TCN2: variants seen among roughly 807,000 people sequenced by gnomAD.
The protein encoded by TCN2 is transcobalamin-2.
A neutral mutation model predicts 48.6 loss-of-function variants in TCN2; 34 were observed. The ratio of observed to expected loss-of-function variants is 0.70; its 90% CI spans 0.53 to 0.93. TCN2 has a LOEUF of 0.93. TCN2 is among the 40% of genes least tolerant of loss of function. TCN2 has a pLI of 0.00. For synonymous variants in TCN2, 283 were observed against 212.5 expected (o/e 1.33, Z -2.89); for missense variants, 652 against 526.1 (o/e 1.24, Z -2.34).
intron 7 of TCN2, among the ~76,000 whole-genome samples, chr22:30,619,566 TTATCAGTGGGGAG>T (rs1158040385): frequency 3.3e-5 from 5 of 152,204 alleles, no homozygotes; most frequent in Non-Finnish European, 5.9e-5. Context: ...AATTCTCATG[TTATCAGTGGGGAG>T]TCCAGCCCAG....
chr22:30,615,482 G>A lies in TCN2; in HGVS notation c.753+9G>A. On this transcript the variant is annotated intron_variant, in intron 5 of 8. Coordinates refer to ENST00000215838, the MANE Select transcript of TCN2 (RefSeq NM_000355.4). ...CCCCATTGGCATTACAGGTGGGAAA[G>A]AGACCCTGGAGCCATGGCCACCCTG... 6.2e-7 allele frequency: 1 copy of A among 1,613,948 alleles called. No homozygotes were observed. The highest frequency in any genetic ancestry group is 1.3e-5 in the African/African-American group (1 of 75,034).
At chr22:30,609,968 C>G (rs2087510790) in intron 1 of TCN2, among the ~76,000 whole-genome samples, 2 of 152,150 alleles carry the variant, frequency 1.3e-5, no homozygotes, top group Non-Finnish European at 2.9e-5. Context: ...TGAAGGCCAC[C>G]ATCAGGCAGC....
chr22:30,623,843 C>CACATATGT (rs1569046597), intron 8 of TCN2, among the ~76,000 whole-genome samples: 1 of 59,414 alleles, frequency 1.7e-5, no homozygotes, highest in Non-Finnish European at 2.7e-5. Flanking sequence ...TATACACACA[C>CACATATGT]ATACATACAC....
chr22:30,619,911 T>G (rs1469615440), intron 7 of TCN2, among the ~76,000 whole-genome samples: 1 of 152,194 alleles, frequency 6.6e-6, no homozygotes, highest in Admixed American at 6.5e-5. Context: ...TCCAGTGATT[T>G]GGGAGGCTGA....
chr22:30,615,470 A>G lies in TCN2; in HGVS notation c.750A>G (p.Leu250=). The change falls in exon 5 of 9, where the codon TTA becomes TTG. Residue 250 remains leucine (L), a synonymous_variant. Transcript: ENST00000215838. ...FGNVYSTPLA[L]QFLMTSPMRG... The stretch of plus-strand genomic sequence containing the variant: ...ATGTCTACAGCACCCCATTGGCATT[A>G]CAGGTGGGAAAGAGACCCTGGAGCC... 1 of 1,614,104 alleles carries G rather than the reference A, an allele frequency of 6.2e-7. No homozygotes were observed.
In TCN2 at chr22:30,615,704, C is replaced by T. The variant is rs149231407; in HGVS notation, c.857C>T (p.Ala286Val). The T allele has an allele frequency of 3.2e-5, 51 of 1,614,232 alleles. No homozygotes were observed. The East Asian group carries it at 1.1e-3, about 34-fold the overall frequency. Residue 286 changes from alanine to valine, a missense_variant, in exon 6 of 9, where the codon GCT (alanine) becomes GTT (valine). Physicochemically the swap from Ala to Val is moderately conservative, Grantham distance 64. Coordinates refer to ENST00000215838, the MANE Select transcript of TCN2 (RefSeq NM_000355.4). ...ASLQDGAFQN[A>V]LMISQLLPVL... ...CTGCAGGATGGAGCCTTCCAGAATG[C>T]TCTCATGATTTCCCAGCTGCTGCCC...
At chr22:30,612,666 A>T (rs2087559260) in intron 2 of TCN2, among the ~76,000 whole-genome samples, 1 of 152,218 alleles carries the variant, frequency 6.6e-6, no homozygotes, top group South Asian at 2.1e-4. Context: ...CTTGGAGTTT[A>T]TTCTTGAATC....
At chr22:30,617,210 G>GA in intron 6 of TCN2, 120 bp from the exon 7 acceptor site, 1 of 1,371,970 alleles carries the variant, frequency 7.3e-7, no homozygotes, top group Non-Finnish European at 1.0e-6. Context: ...CGGTGGCATT[G>GA]ATGGAGATGA....
At chr22:30,610,407 G>A (rs2087518984) in intron 1 of TCN2, 5 of 410,484 alleles carry the variant, frequency 1.2e-5, no homozygotes, top group Admixed American at 1.1e-4. Context: ...GCACCAAAGA[G>A]CGGGGGCTTT....
chr22:30,625,099 TC>T (rs539913482), intron 8 of TCN2, among the ~76,000 whole-genome samples: 139 of 152,196 alleles, frequency 9.1e-4, no homozygotes, highest in Middle Eastern at 6.8e-3. Context: ...GCACCTGTAA[TC>T]CCAGCTACTC....
chr22:30,626,642 T>G lies in TCN2; in HGVS notation c.*121T>G, dbSNP rs905474582. The G allele has an allele frequency of 8.0e-6, 9 of 1,130,370 alleles. No individual in the cohort carries two copies. In the African/African-American group the frequency reaches 1.4e-4, roughly 17 times the overall value. 70.0% of individuals were successfully genotyped at this position (1,130,370 alleles called of 1,614,324 possible). On this transcript the variant is annotated 3_prime_UTR_variant, in exon 9 of 9. Transcript: ENST00000215838. ...GCCACCTCCTGTGCACTTTGAGCAA[T>G]GCCCCCTGGGATCACCCCAGCCACA...
In TCN2 at chr22:30,623,258, C is replaced by T. The variant is rs997662568; in HGVS notation, c.1222+175C>T. ...GAACTGAAGCCTTAGAATTTTTATGCAAGTTACTGTGGAAATTCTAGGAAA... is the reference window on the plus strand; with the variant it reads ...GAACTGAAGCCTTAGAATTTTTATGTAAGTTACTGTGGAAATTCTAGGAAA... On this transcript the variant is annotated intron_variant, in intron 8 of 8. Coordinates refer to ENST00000215838, the MANE Select transcript of TCN2 (RefSeq NM_000355.4). The T allele has an allele frequency of 5.7e-6, 3 of 524,076 alleles. No homozygotes were observed. In the South Asian group the frequency reaches 8.8e-5, roughly 15 times the overall value. 32.5% of individuals were successfully genotyped at this position (524,076 alleles called of 1,614,324 possible).
chr22:30,623,255 A>G, intron 8 of TCN2, 172 bp downstream of exon 8: 2 of 569,826 alleles, frequency 3.5e-6, no homozygotes, highest in South Asian at 4.7e-5. Context: ...TAGAATTTTT[A>G]TGCAAGTTAC....
chr22:30,625,387 C>T (rs2087791017), intron 8 of TCN2, among the ~76,000 whole-genome samples: 1 of 133,446 alleles, frequency 7.5e-6, no homozygotes, highest in Non-Finnish European at 1.6e-5. Context: ...CTTTCTGGGG[C>T]CTTGTTTTTT....
chr22:30,607,981 G>GAC (rs1385884857), intron 1 of TCN2, among the ~76,000 whole-genome samples: 1 of 152,188 alleles, frequency 6.6e-6, no homozygotes. Context: ...AGGAGTGGGG[G>GAC]ACACACATTC....
At chr22:30,618,329 G>A (rs915676514) in intron 7 of TCN2, among the ~76,000 whole-genome samples, 7 of 151,246 alleles carry the variant, frequency 4.6e-5, no homozygotes, top group East Asian at 3.9e-4. Context: ...GGCCCAACTC[G>A]TGTTTGTGTA....
chr22:30,622,823 C>T, intron 7 of TCN2, 145 bp from the exon 8 acceptor site: 1 of 796,512 alleles, frequency 1.3e-6, no homozygotes, highest in Non-Finnish European at 2.2e-6. Flanking sequence ...AGATCACAGA[C>T]CTGTGGCCAG....
chr22:30,607,314 C>A lies in TCN2; in HGVS notation c.-18C>A. 6.2e-7 allele frequency: 1 copy of A among 1,614,148 alleles called. No homozygotes were observed. Among genetic ancestry groups the A allele is most frequent in the South Asian group, 1.1e-5 (1 of 91,072 alleles). On this transcript the variant is annotated 5_prime_UTR_variant, in exon 1 of 9. Coordinates refer to ENST00000215838, the MANE Select transcript of TCN2 (RefSeq NM_000355.4). ...TCTTTCCCGATTCTTGCTCACTGCT[C>A]ACCCACCTGCTGCTGCCATGAGGCA...
At chr22:30,625,838 C>A (rs1041595259) in intron 8 of TCN2, among the ~76,000 whole-genome samples, 2 of 152,092 alleles carry the variant, frequency 1.3e-5, no homozygotes, top group African/African-American at 4.8e-5. Context: ...GCCCTAAGGC[C>A]TCCTGATACC....
Sources: gnomAD v4.1 joint callset for allele counts (sites outside exome capture counted in the v4.1 genomes callset) on GRCh38, gnomAD v4.1.1 for gene constraint, MANE v1.5 for transcripts, NCBI Gene and HGNC (gene_info 2026-07-23, HGNC 2026-07-21) for gene names.